NARS1: variants seen among roughly 807,000 people sequenced by gnomAD.
NARS1 encodes asparaginyl-tRNA synthetase 1, also known as asparagine--tRNA ligase, cytoplasmic.
A neutral mutation model predicts 79.2 loss-of-function variants in NARS1; 65 were observed. That is an observed-to-expected ratio of 0.82 (90% CI 0.67 to 1.01). The LOEUF (loss-of-function observed/expected upper bound fraction) is 1.01. Ranked by LOEUF, NARS1 falls within the 50% of genes least tolerant of loss-of-function variation. The pLI, the probability that NARS1 is intolerant of heterozygous loss-of-function variation, is 0.00. For synonymous variants in NARS1, 229 were observed against 238.8 expected, an observed-to-expected ratio of 0.96 and a Z score of 0.38; for missense variants, 649 against 673.8, an observed-to-expected ratio of 0.96 and a Z score of 0.41.
chr18:57,602,401 T>C lies in NARS1; in HGVS notation c.1469A>G (p.Lys490Arg). Reference protein sequence around the residue: ...FDSEEILAGYKREGIDPTPYY... With the variant: ...FDSEEILAGYRREGIDPTPYY... The stretch of plus-strand genomic sequence containing the variant: ...GGGAGTGGGGTCAATCCCTTCCCTT[T>C]TATAACCTGCCAGTATTTCTTCACT... Residue 490 changes from lysine (K) to arginine (R), a missense_variant, in exon 13 of 14, where the codon AAA becomes AGA. Transcript: ENST00000256854. The C allele has an allele frequency of 6.2e-7, 1 of 1,614,014 alleles. No homozygotes were observed. Among genetic ancestry groups the C allele is most frequent in the Non-Finnish European group, 8.5e-7 (1 of 1,179,880 alleles).
At position 57,615,843 on chromosome 18, in the gene NARS1, T is replaced by TC; in HGVS notation, c.225dup (p.Lys76GlufsTer3). The TC allele has an allele frequency of 6.2e-7, 1 of 1,613,162 alleles. No individual in the cohort carries two copies. On this transcript the variant is annotated frameshift_variant, in exon 3 of 14. Coordinates refer to ENST00000256854, the MANE Select transcript of NARS1 (RefSeq NM_004539.4). LOFTEE classifies it high-confidence loss of function. ...TCTTTCTTTTCCCGGGATTCACTCT[T>TC]CATTTGTTCCCTATGCCACATCTTT...
intron 13 of NARS1, among the ~76,000 whole-genome samples, chr18:57,602,123 C>T (rs2051512274): frequency 6.6e-6 from 1 of 152,034 alleles, no homozygotes. Flanking sequence ...TTTTTTAAAA[C>T]TCAGTTGCAA....
rs781352555 is a variant in NARS1 at position 57,620,610 on chromosome 18, C to T, written c.52G>A (p.Gly18Arg). The change falls in exon 2 of 14, where the codon GGA becomes AGA. Residue 18 changes from glycine (G) to arginine (R), a missense_variant. Gly to Arg is a moderately radical substitution (Grantham distance 125). Coordinates refer to ENST00000256854, the MANE Select transcript of NARS1 (RefSeq NM_004539.4). ...AATGGTTTCTCCTTGGTTCCATCTCCCGTGGCATCGCTTCCCTCTCGGTCA... is the reference window on the plus strand; with the variant it reads ...AATGGTTTCTCCTTGGTTCCATCTCTCGTGGCATCGCTTCCCTCTCGGTCA... ...VSDREGSDATGDGTKEKPFKT... is the reference protein window; with the variant it reads ...VSDREGSDATRDGTKEKPFKT... 1.2e-6 allele frequency: 2 copies of T among 1,613,864 alleles called. No individual in the cohort carries two copies. Among genetic ancestry groups the T allele is most frequent in the Non-Finnish European group, 8.5e-7 (1 of 1,179,894 alleles).
chr18:57,612,549 C>A (rs907527177), intron 5 of NARS1, among the ~76,000 whole-genome samples: 3 of 152,104 alleles, frequency 2.0e-5, no homozygotes, highest in Non-Finnish European at 4.4e-5. Context: ...GCTTCTCCTG[C>A]CTCAGCCTCT....
chr18:57,617,059 T>C (rs1908075721), intron 2 of NARS1, among the ~76,000 whole-genome samples: 4 of 151,742 alleles, frequency 2.6e-5, no homozygotes, highest in African/African-American at 4.8e-5. Flanking sequence ...ATATCAAGCA[T>C]TGCTGTGTTA....
At chr18:57,617,915 AAAAAAAAAAAAAAG>A (rs1369146263) in intron 2 of NARS1, among the ~76,000 whole-genome samples, 2 of 117,384 alleles carry the variant, frequency 1.7e-5, no homozygotes, top group Non-Finnish European at 3.8e-5. Flanking sequence ...ACTCCTTTTC[AAAAAAAAAAAAAAG>A]AAAAAAAAGA....
intron 7 of NARS1, among the ~76,000 whole-genome samples, chr18:57,608,655 A>C (rs1182276310): frequency 6.6e-6 from 1 of 152,194 alleles, no homozygotes; most frequent in Admixed American, 6.5e-5. Flanking sequence ...GAGTTGTACA[A>C]TGTACATATT....
Position 57,607,207 on chromosome 18 carries a change from C to G in NARS1, c.928G>C (p.Ala310Pro), listed in dbSNP as rs1212081620. Reference protein sequence around the residue: ...SQLYLETCLPALGDVFCIAQS... With the variant: ...SQLYLETCLPPLGDVFCIAQS... ...GCAATACAAAAAACATCTCCCAGGGCTGGGAGGCAGGTCTCCAAGTACAAC... is the reference window on the plus strand; with the variant it reads ...GCAATACAAAAAACATCTCCCAGGGGTGGGAGGCAGGTCTCCAAGTACAAC... The change falls in exon 9 of 14, where the codon GCC becomes CCC. Residue 310 changes from alanine to proline, a missense_variant. By Grantham distance (27) the Ala-to-Pro change is conservative (BLOSUM62 -1). Coordinates refer to ENST00000256854, the MANE Select transcript of NARS1 (RefSeq NM_004539.4). 6.2e-7 allele frequency: 1 copy of G among 1,614,110 alleles called. No individual in the cohort carries two copies. The highest frequency in any genetic ancestry group is 8.5e-7 in the Non-Finnish European group (1 of 1,180,022).
At chr18:57,609,273 T>C in intron 7 of NARS1, 84 bp downstream of exon 7, 3 of 1,117,490 alleles carry the variant, frequency 2.7e-6, no homozygotes, top group Non-Finnish European at 4.1e-6. Context: ...CTAATACATA[T>C]GCCAAATGTA....
chr18:57,606,024 A>G (rs2051553440), intron 10 of NARS1, 54 bp from the exon 11 acceptor site: 1 of 1,143,632 alleles, frequency 8.7e-7, no homozygotes, highest in Non-Finnish European at 1.3e-6. Flanking sequence ...ATAAACATTA[A>G]CACTAAAATT....
intron 6 of NARS1, 122 bp from the exon 7 acceptor site, chr18:57,609,565 T>G (rs1446204218): frequency 8.8e-6 from 6 of 685,570 alleles, no homozygotes; most frequent in Non-Finnish European, 1.5e-5. Flanking sequence ...AAATAAAGAG[T>G]GAGATGGCCA....
At chr18:57,621,370 G>T (rs1011069954) in intron 1 of NARS1, among the ~76,000 whole-genome samples, 15 of 151,742 alleles carry the variant, frequency 9.9e-5, no homozygotes, top group African/African-American at 4.8e-5. Flanking sequence ...CGATCACTTT[G>T]AAGAACTGCA....
At chr18:57,621,223 C>A (rs539361196) in intron 1 of NARS1, among the ~76,000 whole-genome samples, 1 of 151,060 alleles carries the variant, frequency 6.6e-6, no homozygotes, top group East Asian at 1.9e-4. Context: ...ACTAGTAGGT[C>A]TGAACAGTTA....
intron 2 of NARS1, among the ~76,000 whole-genome samples, chr18:57,619,266 ATTTTT>A (rs57667136): frequency 4.0e-5 from 5 of 123,754 alleles, no homozygotes; most frequent in East Asian, 2.3e-4. Flanking sequence ...TGCCTGGCTA[ATTTTT>A]TTTTTTTTTT....
intron 5 of NARS1, among the ~76,000 whole-genome samples, chr18:57,611,929 A>G (rs2051607942): frequency 6.6e-6 from 1 of 151,432 alleles, no homozygotes; most frequent in Admixed American, 6.6e-5. Flanking sequence ...CACCTGGCTA[A>G]TTATTTTGTA....
At chr18:57,619,501 G>C (rs2122461280) in intron 2 of NARS1, among the ~76,000 whole-genome samples, 1 of 152,066 alleles carries the variant, frequency 6.6e-6, no homozygotes, top group African/African-American at 2.4e-5. Flanking sequence ...AAAGTGCTGG[G>C]ATTACAAACG....
chr18:57,618,659 T>C (rs1445795401), intron 2 of NARS1, among the ~76,000 whole-genome samples: 1 of 152,036 alleles, frequency 6.6e-6, no homozygotes, highest in African/African-American at 2.4e-5. Flanking sequence ...CCCAGCACTT[T>C]GGGAGGCCAA....
intron 2 of NARS1, among the ~76,000 whole-genome samples, chr18:57,617,803 T>C (rs928883550): frequency 2.0e-5 from 3 of 146,746 alleles, no homozygotes; most frequent in Non-Finnish European, 4.5e-5. Context: ...TGGTCCCAGC[T>C]ACTCGGGAGG....
intron 9 of NARS1, 153 bp from the exon 10 acceptor site, chr18:57,606,904 C>G (rs1314235424): frequency 6.0e-6 from 6 of 993,356 alleles, no homozygotes; most frequent in Middle Eastern, 3.3e-4. Flanking sequence ...CTCTTCTCCA[C>G]TGAGTAGCAA....
Sources: allele counts gnomAD v4.1 joint callset (sites outside exome capture counted in the v4.1 genomes callset), GRCh38; gene constraint gnomAD v4.1.1; transcripts MANE v1.5; gene names NCBI Gene and HGNC (gene_info 2026-07-23, HGNC 2026-07-21).